ITPA: variants seen among roughly 807,000 people sequenced by gnomAD.
ITPA encodes inosine triphosphate pyrophosphatase.
ITPA carries 29 observed loss-of-function variants against 29.6 expected under a neutral mutation model. That is an observed-to-expected ratio of 0.98 (90% confidence interval 0.73 to 1.34). The LOEUF is 1.34. Among genes scored for constraint, ITPA ranks in the 40% most tolerant of loss-of-function variants. The probability of loss-of-function intolerance (pLI) is 0.00; values close to 1 mark genes in which losing one functional copy is unlikely to be tolerated. For synonymous variants in ITPA, 103 were observed against 99.3 expected (o/e 1.04, Z -0.22); for missense variants, 241 against 251.5 (o/e 0.96, Z 0.28).
chr20:3,221,993 C>G lies in ITPA; in HGVS notation c.488+76C>G, dbSNP rs942519864. On this transcript the variant is annotated intron_variant, in intron 7 of 7. Transcript: ENST00000380113. ...GTTTGGGTTGGGCCAGTGCCCCGCC[C>G]AAGTGCAGGCATGCGGATATGGGCA... 3 of 1,363,308 alleles carry G rather than the reference C, an allele frequency of 2.2e-6. No individual in the cohort carries two copies. In the South Asian group the frequency reaches 3.5e-5, roughly 16 times the overall value. 84.5% of individuals were successfully genotyped at this position (1,363,308 alleles called of 1,614,324 possible). A position where few individuals can be genotyped will look rare whatever the true frequency, so the allele number is the denominator to read the frequency against.
At chr20:3,204,204 T>C (rs913942178), upstream of ITPA, among the ~76,000 whole-genome samples, 1 of 152,032 alleles carries the variant, frequency 6.6e-6, no homozygotes, top group Non-Finnish European at 1.5e-5. Context: ...GCGGCCTCCC[T>C]AACAGGTGCA....
At chr20:3,212,688 C>T (rs77953656) in intron 1 of ITPA, among the ~76,000 whole-genome samples, 2,164 of 152,264 alleles carry the variant, frequency 0.014, 63 homozygotes, top group African/African-American at 0.05. Context: ...TGAGTTATAA[C>T]AACATCTGTG....
At chr20:3,213,463 A>C (rs2067220267) in intron 3 of ITPA, 80 bp downstream of exon 3, 2 of 1,542,318 alleles carry the variant, frequency 1.3e-6, no homozygotes, top group South Asian at 1.1e-5. Flanking sequence ...GAAACAATAG[A>C]GTAGACACAG....
chr20:3,209,344 G>T (rs191863069), upstream of ITPA: 13 of 650,938 alleles, frequency 2.0e-5, no homozygotes, highest in East Asian at 3.6e-4. The surrounding 1 kb of genome is among the most constrained non-coding windows in gnomAD (Gnocchi z 4.6). Context: ...CAGTCTCCAG[G>T]CTCGGGAGGC....
chr20:3,211,479 T>C (rs2067172452), intron 1 of ITPA, among the ~76,000 whole-genome samples: 1 of 135,896 alleles, frequency 7.4e-6, no homozygotes, highest in African/African-American at 2.6e-5. Flanking sequence ...AGCTGTGTTT[T>C]TGTTTTGTTT....
In ITPA at chr20:3,214,641, G is replaced by A. The variant is rs543238903; in HGVS notation, c.263+583G>A. The stretch of plus-strand genomic sequence containing the variant: ...GTCGCCCAGGCTGGAGTGCAGTGGC[G>A]CGATCTCCGCTAACTGCAAGCTCTG... On this transcript the variant is annotated intron_variant, in intron 4 of 7. Transcript: ENST00000380113. 4.6e-5 allele frequency among the ~76,000 whole-genome samples: 7 copies of A among 151,836 alleles called. No individual in the cohort carries two copies. The South Asian group carries it at 6.3e-4, about 14-fold the overall frequency.
chr20:3,227,040 G>A (rs989920796), downstream of ITPA, among the ~76,000 whole-genome samples: 3 of 152,140 alleles, frequency 2.0e-5, no homozygotes, highest in Non-Finnish European at 2.9e-5. Flanking sequence ...TGCTCCACAC[G>A]AAGCCTCGGC....
intron 6 of ITPA, among the ~76,000 whole-genome samples, chr20:3,221,555 G>A (rs2067462559): frequency 7.3e-6 from 1 of 137,322 alleles, no homozygotes; most frequent in South Asian, 2.7e-4. Flanking sequence ...CTTCAGTGAT[G>A]TCCCAATTTG....
At chr20:3,225,589 C>T (rs2067546117), downstream of ITPA, among the ~76,000 whole-genome samples, 2 of 152,188 alleles carry the variant, frequency 1.3e-5, no homozygotes, top group Non-Finnish European at 2.9e-5. Flanking sequence ...CCTTCCCCCA[C>T]ACCTCGCCCC....
chr20:3,204,734 C>T (rs994161842), upstream of ITPA: 7 of 1,104,814 alleles, frequency 6.3e-6, no homozygotes, highest in African/African-American at 9.4e-5. Context: ...GGAGCCCCGC[C>T]CAGCGGCACA....
intron 5 of ITPA, among the ~76,000 whole-genome samples, chr20:3,217,044 C>T (rs2067323208): frequency 6.6e-6 from 1 of 152,024 alleles, no homozygotes; most frequent in Non-Finnish European, 1.5e-5. Context: ...CCACGCCTAG[C>T]TAATTTTTGT....
intron 3 of ITPA, among the ~76,000 whole-genome samples, chr20:3,213,659 C>A (rs1230004739): frequency 6.6e-6 from 1 of 152,160 alleles, no homozygotes; most frequent in Non-Finnish European, 1.5e-5. Context: ...AGCCCTACAT[C>A]CTCCCCACAC....
downstream of ITPA, chr20:3,227,436 G>A (rs776616609): frequency 5.2e-5 from 17 of 326,358 alleles, no homozygotes; most frequent in Non-Finnish European, 1.0e-4. Flanking sequence ...AGAAACAGGA[G>A]CTTTATTCTC....
chr20:3,205,687 T>G (rs1482466256), upstream of ITPA, among the ~76,000 whole-genome samples: 3 of 151,670 alleles, frequency 2.0e-5, no homozygotes, highest in Admixed American at 2.0e-4. Flanking sequence ...GGTGATAGAG[T>G]GAGACCCTGT....
At chr20:3,218,121 T>C (rs1366155363) in intron 5 of ITPA, among the ~76,000 whole-genome samples, 7 of 151,960 alleles carry the variant, frequency 4.6e-5, no homozygotes, top group Non-Finnish European at 7.4e-5. Flanking sequence ...GGTTTCACCG[T>C]GTTAGCCAGG....
rs2422862 is a variant in ITPA, at chr20:3,219,057, G to A, written c.411+425G>A. The A allele has an allele frequency of 0.89, 185,535 of 209,088 alleles. 82,711 individuals carry two copies. Among genetic ancestry groups the A allele is most frequent in the East Asian group, 1 (7,882 of 7,890 alleles). The allele number at this position is 209,088 out of a possible 1,614,324, so 13.0% of individuals were successfully genotyped here. On this transcript the variant is annotated intron_variant, in intron 6 of 7. Coordinates refer to ENST00000380113, the MANE Select transcript of ITPA (RefSeq NM_033453.4). ...ATTTATTTATTTATTTTTTGTTAGT[G>A]AGAAACCACACTTGGATCAAAGCTA...
chr20:3,213,713 C>T (rs572737200), intron 3 of ITPA, among the ~76,000 whole-genome samples: 1 of 152,336 alleles, frequency 6.6e-6, no homozygotes, highest in Admixed American at 6.5e-5. Context: ...ACTGAGAAAG[C>T]ACGCTGCGGA....
intron 6 of ITPA, 116 bp downstream of exon 6, chr20:3,218,748 T>G (rs544437571): frequency 2.7e-6 from 2 of 749,216 alleles, no homozygotes; most frequent in East Asian, 5.3e-5. Context: ...GGGCCAGAGA[T>G]ATCTGTGCCT....
chr20:3,225,104 C>T (rs2067541260), downstream of ITPA, among the ~76,000 whole-genome samples: 1 of 151,994 alleles, frequency 6.6e-6, no homozygotes, highest in Admixed American at 6.6e-5. Context: ...CTCAGGATTC[C>T]GAGGTGGGAG....
Sources: gnomAD v4.1 joint callset for allele counts (sites outside exome capture counted in the v4.1 genomes callset) on GRCh38, gnomAD v4.1.1 for gene constraint, Gnocchi (gnomAD v3.1) non-coding constraint, MANE v1.5 for transcripts, NCBI Gene and HGNC (gene_info 2026-07-23, HGNC 2026-07-21) for gene names.